ATXN10: variants seen among roughly 807,000 people sequenced by gnomAD.
ATXN10 encodes the protein ataxin 10.
In ATXN10, 28 loss-of-function variants were observed where a neutral mutation model predicts 52.9. The ratio of observed to expected loss-of-function variants is 0.53; its 90% confidence interval spans 0.39 to 0.73. The LOEUF is 0.73. Among genes scored for constraint, ATXN10 ranks in the 30% least tolerant of loss-of-function variants. The pLI is 0.00. For missense variants in ATXN10, 565 were observed against 577.0 expected (o/e 0.98, Z 0.21); for synonymous variants, 226 against 221.5 (o/e 1.02, Z -0.18).
At chr22:45,694,153 G>C (rs748606954) in intron 3 of ATXN10, among the ~76,000 whole-genome samples, 4 of 152,006 alleles carry the variant, frequency 2.6e-5, no homozygotes, top group Non-Finnish European at 5.9e-5. Context: ...TTGTTGACTT[G>C]GGATTAAGAG....
chr22:45,793,779 GTAAGCCCCCAAATTGGGAC>G, intron 9 of ATXN10: 4 of 1,334,522 alleles, frequency 3.0e-6, no homozygotes, highest in Non-Finnish European at 1.9e-6. Flanking sequence ...TGCAGGACAG[GTAAGCCCCCAAATTGGGAC>G]TTAGCCTGGG....
At position 45,766,045 on chromosome 22, in the gene ATXN10, A is replaced by C. The variant is rs191084582; in HGVS notation, c.1173+25507A>C. Among the ~76,000 whole-genome samples, 2 of 152,352 alleles carry C rather than the reference A, an allele frequency of 1.3e-5. No homozygotes were observed. The highest frequency in any genetic ancestry group is 3.9e-4 in the East Asian group (2 of 5,192). On this transcript the variant is annotated intron_variant, in intron 9 of 11. Transcript: ENST00000252934. This position sits in a 1 kb window ranked among gnomAD's most constrained non-coding sequence, Gnocchi z 4.6. ...AGGGGCTGACAGGCTAATGGGGCAC[A>C]GTAGAAAAATGCAGAAATAGATTCA...
rs1423124799 is a variant in ATXN10, at chr22:45,715,473, A to G, written c.648-2940A>G. Among the ~76,000 whole-genome samples the G allele has an allele frequency of 6.6e-6, 1 of 152,222 alleles. No homozygotes were observed. Among genetic ancestry groups the G allele is most frequent in the Non-Finnish European group, 1.5e-5 (1 of 68,036 alleles). On this transcript the variant is annotated intron_variant, in intron 5 of 11. Transcript: ENST00000252934. This position sits in a 1 kb window ranked among gnomAD's most constrained non-coding sequence, Gnocchi z 4.4. Reference sequence around the variant, plus strand: ...CGCATGCAGCCCAGGATGGCTTTGAATGCTACCTAACACAAATTTGTGAAC... The same window carrying G: ...CGCATGCAGCCCAGGATGGCTTTGAGTGCTACCTAACACAAATTTGTGAAC...
In ATXN10 at chr22:45,671,930, G is replaced by A; in HGVS notation, c.-134G>A. 2 of 959,938 alleles carry A rather than the reference G, an allele frequency of 2.1e-6. No individual in the cohort carries two copies. Among genetic ancestry groups the A allele is most frequent in the South Asian group, 1.6e-5 (1 of 61,082 alleles). The allele number at this position is 959,938 out of a possible 1,614,324, so 59.5% of individuals were successfully genotyped here. On this transcript the variant is annotated 5_prime_UTR_variant, in exon 1 of 12. Transcript: ENST00000252934. Reference sequence around the variant, plus strand: ...GGCAGCGCGGGCTGCAGCGGCGGCGGCGGTTAGGGCTGTGTAGGGCGAGGC... The same window carrying A: ...GGCAGCGCGGGCTGCAGCGGCGGCGACGGTTAGGGCTGTGTAGGGCGAGGC...
chr22:45,806,344 C>T (rs949424169), intron 9 of ATXN10, among the ~76,000 whole-genome samples: 23 of 152,066 alleles, frequency 1.5e-4, no homozygotes, highest in African/African-American at 4.1e-4. Context: ...TTTGTATTTT[C>T]GGTGCCATGT....
Position 45,702,888 on chromosome 22 carries a change from T to C in ATXN10, c.647+41T>C, listed in dbSNP as rs555992245. 74 of 1,611,620 alleles carry C rather than the reference T, an allele frequency of 4.6e-5. No individual in the cohort carries two copies. In the South Asian group the frequency reaches 6.6e-4, roughly 14 times the overall value. ...GAAATTTGATTGCTTTGGGGCATCCTGACAGATCACTTTCCTTGCAGAGGT... is the reference window on the plus strand; with the variant it reads ...GAAATTTGATTGCTTTGGGGCATCCCGACAGATCACTTTCCTTGCAGAGGT... On this transcript the variant is annotated intron_variant, in intron 5 of 11. Coordinates refer to ENST00000252934, the MANE Select transcript of ATXN10 (RefSeq NM_013236.4).
chr22:45,777,703 G>T (rs1002246863), intron 9 of ATXN10, among the ~76,000 whole-genome samples: 4 of 152,206 alleles, frequency 2.6e-5, no homozygotes, highest in African/African-American at 2.4e-5. Context: ...AACAGATTTT[G>T]GATTAACTAT....
Position 45,738,813 on chromosome 22 carries a change from TC to T in ATXN10, c.980del (p.Pro327LeufsTer7), listed in dbSNP as rs1487848718. ...NTELLGYLQV[F>X]PGLLERVIDL... The stretch of plus-strand genomic sequence containing the variant: ...GAGCTGCTCGGCTATCTGCAGGTTT[TC>T]CCTGGCTTGCTGGAAAGAGTGATTG... On this transcript the variant is annotated frameshift_variant, in exon 8 of 12. Transcript: ENST00000252934. LOFTEE classifies it high-confidence loss of function. 1 of 1,614,166 alleles carries T rather than the reference TC, an allele frequency of 6.2e-7. No individual in the cohort carries two copies. Among genetic ancestry groups the T allele is most frequent in the Non-Finnish European group, 8.5e-7 (1 of 1,179,986 alleles).
Position 45,672,137 on chromosome 22 carries a change from C to G in ATXN10, c.74C>G (p.Ala25Gly). The G allele has an allele frequency of 6.5e-7, 1 of 1,540,238 alleles. No homozygotes were observed. The highest frequency in any genetic ancestry group is 8.7e-7 in the Non-Finnish European group (1 of 1,145,468). Residue 25 changes from alanine to glycine, a missense_variant, in exon 1 of 12, where the codon GCC (alanine) becomes GGC (glycine). By Grantham distance (60) the Ala-to-Gly change is moderately conservative. Transcript: ENST00000252934. ...MVPAPIQDLE[A>G]LRALTALFKE... Reference sequence around the variant, plus strand: ...CCGGCGCCCATCCAAGACCTGGAGGCCCTGCGCGCGCTCACGGCGCTCTTC... The same window carrying G: ...CCGGCGCCCATCCAAGACCTGGAGGGCCTGCGCGCGCTCACGGCGCTCTTC...
At chr22:45,743,338 C>T (rs982666626) in intron 9 of ATXN10, among the ~76,000 whole-genome samples, 7 of 152,292 alleles carry the variant, frequency 4.6e-5, no homozygotes, top group East Asian at 1.9e-4. Flanking sequence ...GACACAACGC[C>T]GAAATCTTGT....
intron 9 of ATXN10, among the ~76,000 whole-genome samples, chr22:45,741,151 A>G (rs920008298): frequency 6.6e-6 from 1 of 152,048 alleles, no homozygotes; most frequent in Non-Finnish European, 1.5e-5. Flanking sequence ...GTGGCATTTG[A>G]TTTGCTTAGT....
rs905125331 is a variant in ATXN10, at chr22:45,840,392, C to T, written c.1238-2599C>T. On this transcript the variant is annotated intron_variant, in intron 10 of 11. Transcript: ENST00000252934. The surrounding 1 kb of genome is among the most constrained non-coding windows in gnomAD (Gnocchi z 5.8). Reference sequence around the variant, plus strand: ...AGGTGCACCTAATCTAAGCAGGTGCCGAGGGGTAGCTAAGACAGGGAAGGC... The same window carrying T: ...AGGTGCACCTAATCTAAGCAGGTGCTGAGGGGTAGCTAAGACAGGGAAGGC... Among the ~76,000 whole-genome samples the T allele has an allele frequency of 1.2e-4, 18 of 151,958 alleles. No individual in the cohort carries two copies. Among genetic ancestry groups the T allele is most frequent in the Admixed American group, 5.9e-4 (9 of 15,268 alleles).
At chr22:45,814,182 A>C (rs1928381673) in intron 10 of ATXN10, among the ~76,000 whole-genome samples, 1 of 152,262 alleles carries the variant, frequency 6.6e-6, no homozygotes, top group African/African-American at 2.4e-5. Context: ...ACAAAGGCTA[A>C]CTTAAAAACA....
chr22:45,736,633 A>G (rs978536764), intron 7 of ATXN10, among the ~76,000 whole-genome samples: 2 of 152,070 alleles, frequency 1.3e-5, no homozygotes, highest in Non-Finnish European at 2.9e-5. Flanking sequence ...TCTAGATTTT[A>G]GATTTTGATG....
At position 45,840,632 on chromosome 22, in the gene ATXN10, A is replaced by T. The variant is rs1473239002; in HGVS notation, c.1238-2359A>T. On this transcript the variant is annotated intron_variant, in intron 10 of 11. Transcript: ENST00000252934. The surrounding 1 kb of genome is among the most constrained non-coding windows in gnomAD (Gnocchi z 5.8). ...TCTGGCAGGGTCTCACGTGCCCTGG[A>T]GTGGAGCAGTTTGATAGTCCCTTTC... 6.6e-6 allele frequency among the ~76,000 whole-genome samples: 1 copy of T among 152,108 alleles called. No homozygotes were observed. The highest frequency in any genetic ancestry group is 1.5e-5 in the Non-Finnish European group (1 of 68,000).
Position 45,693,083 on chromosome 22 carries a change from C to T in ATXN10, c.391+5C>T. ...AACAGGAATCTCTGTTGACAGGTAG[C>T]ATGCAATATAATTCATGGATTATTT... On this transcript the variant is annotated splice_donor_5th_base_variant and intron_variant, in intron 3 of 11. Transcript: ENST00000252934. 1.2e-6 allele frequency: 2 copies of T among 1,611,446 alleles called. No individual in the cohort carries two copies. Among genetic ancestry groups the T allele is most frequent in the Admixed American group, 1.7e-5 (1 of 60,016 alleles).
intron 10 of ATXN10, among the ~76,000 whole-genome samples, chr22:45,810,067 A>T (rs1928231409): frequency 6.6e-6 from 1 of 152,174 alleles, no homozygotes; most frequent in Non-Finnish European, 1.5e-5. Flanking sequence ...TTATATATAT[A>T]TGTCAAATTC....
At chr22:45,700,941 C>T (rs1332293109) in intron 4 of ATXN10, among the ~76,000 whole-genome samples, 1 of 152,114 alleles carries the variant, frequency 6.6e-6, no homozygotes, top group African/African-American at 2.4e-5. Context: ...CCATTTGTCT[C>T]GATTGGATCC....
chr22:45,727,840 C>T lies in ATXN10; in HGVS notation c.729-1585C>T, dbSNP rs1924939939. On this transcript the variant is annotated intron_variant, in intron 6 of 11. Transcript: ENST00000252934. The surrounding 1 kb of genome is among the most constrained non-coding windows in gnomAD (Gnocchi z 4.6). Reference sequence around the variant, plus strand: ...CGATCCTTTTATCATCATATAATGACCTTCTTTGTCTTTTTTTTACTGTTG... The same window carrying T: ...CGATCCTTTTATCATCATATAATGATCTTCTTTGTCTTTTTTTTACTGTTG... 6.6e-6 allele frequency among the ~76,000 whole-genome samples: 1 copy of T among 151,824 alleles called. No homozygotes were observed. The highest frequency in any genetic ancestry group is 2.4e-5 in the African/African-American group (1 of 41,296).
Sources: allele counts gnomAD v4.1 joint callset (sites outside exome capture counted in the v4.1 genomes callset), GRCh38; gene constraint gnomAD v4.1.1; non-coding constraint Gnocchi (gnomAD v3.1); transcripts MANE v1.5; gene names NCBI Gene and HGNC (gene_info 2026-07-23, HGNC 2026-07-21).